RNF17: variants seen among roughly 807,000 people sequenced by gnomAD.
RNF17 encodes the protein ring finger protein 17.
Under a neutral mutation model 200.5 loss-of-function variants are expected in RNF17, and 31 were observed. That is an observed-to-expected ratio of 0.15 (90% CI 0.12 to 0.21). The LOEUF (loss-of-function observed/expected upper bound fraction) is 0.21, where lower values mean the gene tolerates loss of function less well. RNF17 is among the 10% of genes least tolerant of loss of function. The probability of loss-of-function intolerance (pLI) is 1.00; values close to 1 mark genes in which losing one functional copy is unlikely to be tolerated. For synonymous variants in RNF17, 606 were observed against 637.8 expected (o/e 0.95, Z 0.75); for missense variants, 1,628 against 1,905.1 (o/e 0.85, Z 2.71).
intron 11 of RNF17, among the ~76,000 whole-genome samples, 169 bp from the exon 12 acceptor site, chr13:24,799,226 A>G (rs995040019): frequency 1.3e-5 from 2 of 152,166 alleles, no homozygotes; most frequent in Non-Finnish European, 2.9e-5. Context: ...ATAACAAACT[A>G]TCATAATATG....
At chr13:24,845,432 GTT>G (rs939751385) in intron 22 of RNF17, among the ~76,000 whole-genome samples, 2 of 152,182 alleles carry the variant, frequency 1.3e-5, no homozygotes, top group Non-Finnish European at 2.9e-5. Flanking sequence ...TGACAGAACA[GTT>G]TTAGTCTACT....
At chr13:24,830,702 C>T in intron 17 of RNF17, 103 bp downstream of exon 17, 1 of 809,092 alleles carries the variant, frequency 1.2e-6, no homozygotes, top group South Asian at 1.6e-5. Flanking sequence ...CCCTTTTTGT[C>T]TAGTTGCTGA....
At chr13:24,884,234 ATAG>A (rs886043580), downstream of RNF17, 2 of 1,614,174 alleles carry the variant, frequency 1.2e-6, no homozygotes, top group African/African-American at 1.3e-5. Context: ...GGGCAGCTGC[ATAG>A]TAGTAGATCT....
In RNF17 at chr13:24,800,450, T is replaced by C. The variant is rs774734455; in HGVS notation, c.1674T>C (p.Ser558=). Residue 558 remains serine, a synonymous_variant, in exon 13 of 36, where the codon TCT becomes TCC. Transcript: ENST00000255324. The part of the protein sequence containing the change: ...LNDLCLVLRK[S]EPYTEGLLKD... ...ATTTATGTCTGGTTCTAAGGAAATC[T>C]GAACCATATACTGAAGGGCTGCTAA... is the stretch of plus-strand genomic sequence containing the variant. The C allele has an allele frequency of 1.2e-6, 2 of 1,613,048 alleles. No homozygotes were observed. Among genetic ancestry groups the C allele is most frequent in the East Asian group, 4.5e-5 (2 of 44,816 alleles).
intron 23 of RNF17, among the ~76,000 whole-genome samples, chr13:24,851,085 C>G (rs757101141): frequency 6.6e-6 from 1 of 152,194 alleles, no homozygotes; most frequent in African/African-American, 2.4e-5. Flanking sequence ...ATCTCCGACT[C>G]CCAGGTTCAA....
chr13:24,819,117 C>A (rs547340273), intron 15 of RNF17, among the ~76,000 whole-genome samples: 2 of 152,188 alleles, frequency 1.3e-5, no homozygotes, highest in African/African-American at 4.8e-5. Flanking sequence ...ATTCGTATTA[C>A]CATGCAATAG....
chr13:24,777,534 A>G (rs569362528), intron 3 of RNF17, among the ~76,000 whole-genome samples: 20 of 152,304 alleles, frequency 1.3e-4, no homozygotes, highest in African/African-American at 4.6e-4. Context: ...TCTGGCTTCT[A>G]TAGACTAGAG....
chr13:24,866,712 C>T (rs796359680), intron 30 of RNF17, among the ~76,000 whole-genome samples: 2 of 151,866 alleles, frequency 1.3e-5, no homozygotes, highest in Admixed American at 6.6e-5. Context: ...ATGGTGGTTG[C>T]GAGTAATGCT....
rs149136387 is a variant in RNF17, at chr13:24,804,263, C to T, written c.1950-25C>T. 8.2e-5 allele frequency: 132 copies of T among 1,603,120 alleles called. 1 individual carries two copies. Among genetic ancestry groups the T allele is most frequent in the South Asian group, 7.8e-4 (70 of 90,020 alleles). On this transcript the variant is annotated intron_variant, in intron 14 of 35. Transcript: ENST00000255324. Reference sequence around the variant, plus strand: ...GGGTGACAGGGTGAGACCCTGCTTACGCTTTTCATTATGCTTTTAATTAGG... The same window carrying T: ...GGGTGACAGGGTGAGACCCTGCTTATGCTTTTCATTATGCTTTTAATTAGG...
chr13:24,758,898 A>T, the RNF17 span, among the ~76,000 whole-genome samples: 15 of 152,042 alleles, frequency 9.9e-5, no homozygotes, highest in African/African-American at 3.6e-4. Flanking sequence ...CAACATCGTG[A>T]AACCCCGTCT....
chr13:24,766,627 G>A (rs1206557245), intron 1 of RNF17, among the ~76,000 whole-genome samples: 1 of 152,206 alleles, frequency 6.6e-6, no homozygotes, highest in East Asian at 1.9e-4. Flanking sequence ...TAAAGTAGTA[G>A]AGGGCAGTAT....
At position 24,854,179 on chromosome 13, in the gene RNF17, C is replaced by G. The variant is rs994343285; in HGVS notation, c.3610+35C>G. 55 of 1,489,916 alleles carry G rather than the reference C, an allele frequency of 3.7e-5. 1 individual carries two copies. Among genetic ancestry groups the G allele is most frequent in the Non-Finnish European group, 1.0e-5 (11 of 1,092,742 alleles). The allele number at this position is 1,489,916 out of a possible 1,614,324, so 92.3% of individuals were successfully genotyped here. ...TCTATGTTATGTAGGCTCTAGTTCTCTAGTACGAACGACAGGGATTGAAAT... is the reference window on the plus strand; with the variant it reads ...TCTATGTTATGTAGGCTCTAGTTCTGTAGTACGAACGACAGGGATTGAAAT... On this transcript the variant is annotated intron_variant, in intron 25 of 35. Transcript: ENST00000255324.
chr13:24,875,223 T>G (rs958792029), intron 33 of RNF17, among the ~76,000 whole-genome samples: 7 of 152,238 alleles, frequency 4.6e-5, no homozygotes, highest in African/African-American at 1.7e-4. Context: ...CTGCTCAAAT[T>G]GAAACAACAA....
chr13:24,791,619 T>C (rs1883872814), intron 9 of RNF17, among the ~76,000 whole-genome samples: 1 of 152,158 alleles, frequency 6.6e-6, no homozygotes, highest in Non-Finnish European at 1.5e-5. Context: ...ATAAGTTCTT[T>C]CATTGTAGGT....
chr13:24,851,600 T>A (rs1262364845), intron 24 of RNF17, 29 bp downstream of exon 24: 1 of 1,438,806 alleles, frequency 7.0e-7, no homozygotes, highest in South Asian at 1.2e-5. Flanking sequence ...AATTTTGACA[T>A]CAGTTTGTGA....
rs1299523483 is a variant in RNF17 at position 24,845,059 on chromosome 13, A to G, written c.3081A>G (p.Glu1027=). Residue 1027 remains glutamate, a synonymous_variant, in exon 22 of 36, where the codon GAA becomes GAG. Coordinates refer to ENST00000255324, the MANE Select transcript of RNF17 (RefSeq NM_031277.3). The part of the protein sequence containing the change: ...NLKTMGRLSL[E]CSLVDIRPAG... ...AGACAATGGGAAGACTCTCTTTGGA[A>G]TGTTCTCTGGTTGACATAAGGTAGT... 1.9e-6 allele frequency: 3 copies of G among 1,551,156 alleles called. No individual in the cohort carries two copies. The highest frequency in any genetic ancestry group is 4.5e-5 in the East Asian group (2 of 44,512).
chr13:24,757,221 C>T, the RNF17 span, among the ~76,000 whole-genome samples: 8 of 88,646 alleles, frequency 9.0e-5, no homozygotes, highest in African/African-American at 2.9e-4. Flanking sequence ...TCATCCCTCC[C>T]CATCTGCACT....
intron 18 of RNF17, among the ~76,000 whole-genome samples, chr13:24,835,834 A>G (rs1889933533): frequency 6.6e-6 from 1 of 152,244 alleles, no homozygotes; most frequent in Middle Eastern, 3.2e-3. Flanking sequence ...TCCTGGATTT[A>G]CCTGAAAAAT....
At chr13:24,750,012 G>A in the RNF17 span, among the ~76,000 whole-genome samples, 11 of 152,006 alleles carry the variant, frequency 7.2e-5, no homozygotes, top group Non-Finnish European at 1.3e-4. Context: ...TTGGCCTCCC[G>A]AAGTGCTGGG....
Sources: gnomAD v4.1 joint callset for allele counts (sites outside exome capture counted in the v4.1 genomes callset) on GRCh38, gnomAD v4.1.1 for gene constraint, MANE v1.5 for transcripts, NCBI Gene and HGNC (gene_info 2026-07-23, HGNC 2026-07-21) for gene names.